Variants in GALNTL6 observed in about 807,000 individuals in gnomAD.
GALNTL6 encodes polypeptide N-acetylgalactosaminyltransferase-like 6.
In GALNTL6, 46 loss-of-function variants were observed where a neutral mutation model predicts 73.7. The observed-to-expected ratio is 0.62, with a 90% CI of 0.49 to 0.80. The LOEUF (loss-of-function observed/expected upper bound fraction) is 0.80, where lower values mean the gene tolerates loss of function less well. GALNTL6 is among the 30% of genes least tolerant of loss of function. GALNTL6 has a pLI of 0.00. For missense variants in GALNTL6, 604 were observed against 755.0 expected (o/e 0.80, Z 2.34); for synonymous variants, 259 against 263.7 (o/e 0.98, Z 0.17).
chr4:171,861,187 A>G (rs1560817467), intron 2 of GALNTL6, among the ~76,000 whole-genome samples: 1 of 152,128 alleles, frequency 6.6e-6, no homozygotes, highest in African/African-American at 2.4e-5. Flanking sequence ...GGCGCCCCAG[A>G]TAGGAAGCCA....
At chr4:172,987,590 T>A (rs1751346573) in intron 10 of GALNTL6, among the ~76,000 whole-genome samples, 1 of 152,212 alleles carries the variant, frequency 6.6e-6, no homozygotes, top group Non-Finnish European at 1.5e-5. Flanking sequence ...GTGATATGAT[T>A]TGGATTTGTG....
At chr4:172,914,197 C>T (rs1747372373) in intron 8 of GALNTL6, among the ~76,000 whole-genome samples, 1 of 152,164 alleles carries the variant, frequency 6.6e-6, no homozygotes, top group African/African-American at 2.4e-5. Flanking sequence ...CAAGCAAATG[C>T]CGAGAGATTT....
intron 5 of GALNTL6, among the ~76,000 whole-genome samples, chr4:172,701,484 C>T (rs1734024504): frequency 6.6e-6 from 1 of 152,104 alleles, no homozygotes; most frequent in Non-Finnish European, 1.5e-5. Context: ...TGGGTAATTT[C>T]CTTGAGTCTT....
intron 5 of GALNTL6, among the ~76,000 whole-genome samples, chr4:172,385,564 A>T (rs556139268): frequency 2.0e-5 from 3 of 152,096 alleles, no homozygotes; most frequent in Admixed American, 6.5e-5. Context: ...TTTGTTTTAC[A>T]ATCTATTTTT....
At chr4:172,881,870 A>C (rs1745469271) in intron 7 of GALNTL6, among the ~76,000 whole-genome samples, 1 of 152,102 alleles carries the variant, frequency 6.6e-6, no homozygotes, top group African/African-American at 2.4e-5. Context: ...CAGCCTCACC[A>C]CGCTAGCCTC....
At chr4:172,778,014 C>A (rs1739163825) in intron 5 of GALNTL6, among the ~76,000 whole-genome samples, 1 of 152,226 alleles carries the variant, frequency 6.6e-6, no homozygotes, top group Non-Finnish European at 1.5e-5. Flanking sequence ...CACAACAATA[C>A]TAAGCATAAA....
intron 5 of GALNTL6, among the ~76,000 whole-genome samples, chr4:172,513,873 T>C (rs934616978): frequency 6.6e-6 from 1 of 152,190 alleles, no homozygotes; most frequent in Middle Eastern, 3.2e-3. Flanking sequence ...AGTGCACTTG[T>C]TTTCTCGTAT....
intron 2 of GALNTL6, among the ~76,000 whole-genome samples, chr4:172,207,115 C>A (rs1403944084): frequency 2.6e-5 from 4 of 151,928 alleles, no homozygotes; most frequent in Non-Finnish European, 5.9e-5. Context: ...CTGGCCGAAA[C>A]GTGTTTTAAT....
chr4:172,345,665 A>C (rs1741715946), intron 4 of GALNTL6, among the ~76,000 whole-genome samples: 1 of 152,244 alleles, frequency 6.6e-6, no homozygotes, highest in African/African-American at 2.4e-5. Flanking sequence ...CAAATGAGGT[A>C]TAACTTATTT....
In GALNTL6 at chr4:172,443,121, CATATATATAT is replaced by C. The variant is rs4048464; in HGVS notation, c.553+94465_553+94474del. On this transcript the variant is annotated intron_variant, in intron 5 of 12. Coordinates refer to ENST00000506823, the MANE Select transcript of GALNTL6 (RefSeq NM_001034845.3). Reference sequence around the variant, plus strand: ...GAAATCACCAGTAATGATCCATATACATATATATATATATATATATATATATATATATATA... The same window carrying C: ...GAAATCACCAGTAATGATCCATATACATATATATATATATATATATATATA... Among the ~76,000 whole-genome samples, 121 of 52,018 alleles carry C rather than the reference CATATATATAT, an allele frequency of 2.3e-3. 1 individual carries two copies. The highest frequency in any genetic ancestry group is 0.011 in the East Asian group (12 of 1,124). The allele number at this position is 52,018 out of a possible 152,430, so 34.1% of individuals were successfully genotyped here. A position where few individuals can be genotyped will look rare whatever the true frequency, so the allele number is the denominator to read the frequency against.
intron 5 of GALNTL6, among the ~76,000 whole-genome samples, chr4:172,579,120 A>T (rs1734000840): frequency 6.6e-6 from 1 of 152,204 alleles, no homozygotes; most frequent in South Asian, 2.1e-4. Flanking sequence ...ATATTTTAAC[A>T]TCATCAAATT....
At chr4:172,602,464 A>G (rs1406480341) in intron 5 of GALNTL6, among the ~76,000 whole-genome samples, 4 of 152,208 alleles carry the variant, frequency 2.6e-5, no homozygotes, top group African/African-American at 7.2e-5. Flanking sequence ...GTCTTACCTT[A>G]TAGGTAGTGT....
intron 2 of GALNTL6, among the ~76,000 whole-genome samples, chr4:171,966,828 C>T (rs1289287376): frequency 2.0e-5 from 3 of 152,270 alleles, no homozygotes; most frequent in African/African-American, 4.8e-5. Context: ...GGGAAGTCTA[C>T]CTCTGATCTT....
At chr4:172,695,968 T>C (rs775508091) in intron 5 of GALNTL6, among the ~76,000 whole-genome samples, 2 of 151,898 alleles carry the variant, frequency 1.3e-5, no homozygotes, top group Non-Finnish European at 2.9e-5. Flanking sequence ...AAAAAAGAAA[T>C]TGTAATCTTG....
intron 5 of GALNTL6, among the ~76,000 whole-genome samples, chr4:172,410,895 T>G (rs1413615621): frequency 6.6e-6 from 1 of 152,090 alleles, no homozygotes; most frequent in African/African-American, 2.4e-5. Flanking sequence ...ATAAAATATC[T>G]TTATTGTTAT....
At chr4:172,712,575 A>C (rs1283574771) in intron 5 of GALNTL6, among the ~76,000 whole-genome samples, 1 of 152,192 alleles carries the variant, frequency 6.6e-6, no homozygotes, top group African/African-American at 2.4e-5. Flanking sequence ...TCCTTGAGGT[A>C]ATATGAGTGC....
intron 5 of GALNTL6, among the ~76,000 whole-genome samples, chr4:172,501,883 T>C (rs1734274372): frequency 1.3e-5 from 2 of 152,194 alleles, no homozygotes; most frequent in Admixed American, 6.5e-5. Context: ...CAGGTACAAT[T>C]GTAGTTTCGA....
At chr4:172,837,765 C>T (rs1742991048) in intron 7 of GALNTL6, among the ~76,000 whole-genome samples, 1 of 152,020 alleles carries the variant, frequency 6.6e-6, no homozygotes. Flanking sequence ...TTAATGATGG[C>T]CAGAGAAATA....
intron 2 of GALNTL6, among the ~76,000 whole-genome samples, chr4:171,945,727 A>T (rs1450009879): frequency 6.6e-6 from 1 of 152,152 alleles, no homozygotes; most frequent in African/African-American, 2.4e-5. Context: ...ATTATGATAA[A>T]CAAAATGGAA....
Sources: gnomAD v4.1 joint callset for allele counts (sites outside exome capture counted in the v4.1 genomes callset) on GRCh38, gnomAD v4.1.1 for gene constraint, MANE v1.5 for transcripts, NCBI Gene and HGNC (gene_info 2026-07-23, HGNC 2026-07-21) for gene names.